NCALD: variants seen among roughly 807,000 people sequenced by gnomAD.
NCALD encodes neurocalcin-delta.
A neutral mutation model predicts 18.6 loss-of-function variants in NCALD; 10 were observed. The ratio of observed to expected loss-of-function variants is 0.54; its 90% confidence interval spans 0.33 to 0.91. NCALD has a LOEUF of 0.91. NCALD is among the 40% of genes least tolerant of loss of function. The probability of loss-of-function intolerance (pLI) is 0.03; values close to 1 mark genes in which losing one functional copy is unlikely to be tolerated. For missense variants in NCALD, 184 were observed against 247.6 expected, an observed-to-expected ratio of 0.74 and a Z score of 1.72; for synonymous variants, 88 against 87.4, an observed-to-expected ratio of 1.01 and a Z score of -0.04.
chr8:101,738,437 G>C (rs777122690), intron 1 of NCALD, among the ~76,000 whole-genome samples: 2 of 151,760 alleles, frequency 1.3e-5, no homozygotes, highest in Non-Finnish European at 2.9e-5. Context: ...CCAGTTACTC[G>C]GGAAGGTGAG....
chr8:101,951,142 C>T (rs575093754), intron 2 of NCALD, among the ~76,000 whole-genome samples: 1 of 152,162 alleles, frequency 6.6e-6, no homozygotes, highest in South Asian at 2.1e-4. Flanking sequence ...TCACAGGTAG[C>T]AATATATTAT....
chr8:102,111,366 C>T (rs1825633071), intron 1 of NCALD, among the ~76,000 whole-genome samples: 1 of 151,982 alleles, frequency 6.6e-6, no homozygotes, highest in Admixed American at 6.6e-5. Flanking sequence ...CATCCCCAGC[C>T]TCCACTTCCA....
At chr8:102,038,379 A>G (rs1014445674) in intron 1 of NCALD, among the ~76,000 whole-genome samples, 1 of 152,178 alleles carries the variant, frequency 6.6e-6, no homozygotes, top group East Asian at 1.9e-4. Flanking sequence ...TGGATAAGAC[A>G]GGCTTATCAC....
chr8:102,096,727 G>A (rs1424742773), intron 1 of NCALD, among the ~76,000 whole-genome samples: 3 of 152,186 alleles, frequency 2.0e-5, no homozygotes, highest in Non-Finnish European at 4.4e-5. Context: ...AACCCCTAGA[G>A]GGTATTTGGA....
intron 2 of NCALD, among the ~76,000 whole-genome samples, chr8:101,715,592 G>A (rs1816040071): frequency 6.6e-6 from 1 of 152,038 alleles, no homozygotes; most frequent in African/African-American, 2.4e-5. Context: ...CTAATATCCA[G>A]AATCTACAAG....
intron 1 of NCALD, among the ~76,000 whole-genome samples, chr8:101,728,209 C>T (rs1816658721): frequency 6.6e-6 from 1 of 152,176 alleles, no homozygotes; most frequent in Non-Finnish European, 1.5e-5. Context: ...AGTGAACAGG[C>T]TTTCAGGATG....
At chr8:102,068,432 C>T (rs1053458118) in intron 1 of NCALD, among the ~76,000 whole-genome samples, 7 of 152,244 alleles carry the variant, frequency 4.6e-5, no homozygotes, top group East Asian at 1.9e-4. Context: ...TCCCACCTCA[C>T]GGCCTCTGCA....
intron 2 of NCALD, among the ~76,000 whole-genome samples, chr8:101,707,776 G>C (rs1019545633): frequency 6.6e-6 from 1 of 152,144 alleles, no homozygotes; most frequent in Non-Finnish European, 1.5e-5. Context: ...GCTGAGGCAG[G>C]AGAATCTCTT....
chr8:101,924,293 G>A (rs1818266468), intron 2 of NCALD, among the ~76,000 whole-genome samples: 1 of 152,090 alleles, frequency 6.6e-6, no homozygotes, highest in African/African-American at 2.4e-5. Flanking sequence ...TCACGCTAAT[G>A]GTGAATGAAA....
intron 2 of NCALD, among the ~76,000 whole-genome samples, chr8:101,971,164 G>T (rs1043876177): frequency 1.3e-5 from 2 of 152,044 alleles, no homozygotes; most frequent in African/African-American, 4.8e-5. Context: ...TTTTCTTTAT[G>T]AATTGTCCAG....
At chr8:101,759,547 A>G (rs1811027155) in intron 1 of NCALD, among the ~76,000 whole-genome samples, 1 of 152,196 alleles carries the variant, frequency 6.6e-6, no homozygotes, top group Admixed American at 6.5e-5. Context: ...TCTTGAAGGT[A>G]TCCCAGGGAC....
chr8:102,101,159 A>G (rs576123663), intron 1 of NCALD, among the ~76,000 whole-genome samples: 1 of 152,384 alleles, frequency 6.6e-6, no homozygotes, highest in East Asian at 1.9e-4. Flanking sequence ...GATGTGTGAC[A>G]GACAGAAGGG....
chr8:101,935,015 T>G (rs977924831), intron 2 of NCALD, among the ~76,000 whole-genome samples: 2 of 152,012 alleles, frequency 1.3e-5, no homozygotes, highest in Non-Finnish European at 2.9e-5. Context: ...ATAAAAAACT[T>G]GTCAAAGAAG....
At chr8:101,804,542 TAATA>T (rs1813010958) in intron 4 of NCALD, among the ~76,000 whole-genome samples, 1 of 121,488 alleles carries the variant, frequency 8.2e-6, no homozygotes, top group African/African-American at 3.7e-5. Context: ...AATATATAAT[TAATA>T]TAATTGATTA....
At chr8:101,730,551 T>C (rs1816783091) in intron 1 of NCALD, among the ~76,000 whole-genome samples, 1 of 151,314 alleles carries the variant, frequency 6.6e-6, no homozygotes, top group Non-Finnish European at 1.5e-5. Context: ...ATGTAGCTCA[T>C]TTACCCTTTC....
chr8:101,878,028 A>G (rs1388932255), intron 4 of NCALD, among the ~76,000 whole-genome samples: 1 of 152,238 alleles, frequency 6.6e-6, no homozygotes, highest in Non-Finnish European at 1.5e-5. Context: ...ACTGTTACTA[A>G]TTATGGTTCT....
chr8:101,750,098 G>A (rs1464367571), intron 1 of NCALD: 1 of 152,280 alleles, frequency 6.6e-6, no homozygotes, highest in African/African-American at 2.4e-5. Context: ...GCAGGAAGGA[G>A]AAGTGCTGAG....
At chr8:101,845,331 G>C (rs1035812150) in intron 4 of NCALD, among the ~76,000 whole-genome samples, 37 of 152,292 alleles carry the variant, frequency 2.4e-4, no homozygotes, top group African/African-American at 8.9e-4. Flanking sequence ...GCTTGGAGGA[G>C]CCCTGGGCCA....
chr8:102,043,704 A>G (rs947350403), intron 1 of NCALD, among the ~76,000 whole-genome samples: 1 of 138,662 alleles, frequency 7.2e-6, no homozygotes, highest in Non-Finnish European at 1.5e-5. Context: ...GGAGGAAGAG[A>G]AGGGGCAGGG....
Sources: allele counts gnomAD v4.1 joint callset (sites outside exome capture counted in the v4.1 genomes callset), GRCh38; gene constraint gnomAD v4.1.1; transcripts MANE v1.5; gene names NCBI Gene and HGNC (gene_info 2026-07-23, HGNC 2026-07-21).